Variants in CD96 observed in about 807,000 individuals in gnomAD.
CD96 encodes the protein CD96 molecule.
Under a neutral mutation model 71.3 loss-of-function variants are expected in CD96, and 70 were observed. The observed-to-expected ratio is 0.98, with a 90% CI of 0.81 to 1.20. CD96 has a LOEUF of 1.20. CD96 is among the 50% of genes most tolerant of loss of function. The pLI is 0.00. For missense variants in CD96, 742 were observed against 677.5 expected (o/e 1.10, Z -1.06); for synonymous variants, 248 against 233.0 (o/e 1.06, Z -0.59).
chr3:111,664,926 G>A (rs550753912), intron 14 of CD96, among the ~76,000 whole-genome samples: 2 of 152,284 alleles, frequency 1.3e-5, no homozygotes, highest in East Asian at 3.9e-4. Flanking sequence ...ATGTTGTTAT[G>A]TAAGAGATAT....
At chr3:111,577,567 G>A in intron 3 of CD96, 1 of 1,519,634 alleles carries the variant, frequency 6.6e-7, no homozygotes, top group South Asian at 1.1e-5. Flanking sequence ...AATTGCTGCA[G>A]GAAAAAGAAT....
intron 2 of CD96, among the ~76,000 whole-genome samples, chr3:111,563,638 G>T (rs1935563375): frequency 6.6e-6 from 1 of 151,898 alleles, no homozygotes; most frequent in Admixed American, 6.5e-5. Context: ...TGTTTTTACT[G>T]ACCTCCTCAT....
intron 8 of CD96, among the ~76,000 whole-genome samples, chr3:111,619,564 C>T (rs567017115): frequency 1.3e-5 from 2 of 152,308 alleles, no homozygotes; most frequent in African/African-American, 4.8e-5. Context: ...TACTTGCCTA[C>T]ATAGTATCTC....
chr3:111,561,577 C>T (rs1935410226), intron 2 of CD96, among the ~76,000 whole-genome samples: 1 of 146,524 alleles, frequency 6.8e-6, no homozygotes, highest in Admixed American at 7.0e-5. Context: ...CTCAGATCTC[C>T]AGCTGCGTGC....
chr3:111,625,504 G>A (rs998110265), intron 10 of CD96, among the ~76,000 whole-genome samples: 2 of 152,134 alleles, frequency 1.3e-5, no homozygotes, highest in Non-Finnish European at 2.9e-5. Flanking sequence ...ATCAAAGATG[G>A]TGTGGCAGAT....
intron 12 of CD96, among the ~76,000 whole-genome samples, chr3:111,638,829 G>C (rs1367639219): frequency 6.6e-6 from 1 of 152,174 alleles, no homozygotes; most frequent in Non-Finnish European, 1.5e-5. Context: ...TGGCAATAAA[G>C]CTGCAAACTG....
intron 6 of CD96, among the ~76,000 whole-genome samples, chr3:111,599,223 C>A (rs1937389342): frequency 6.6e-6 from 1 of 152,116 alleles, no homozygotes; most frequent in Non-Finnish European, 1.5e-5. Flanking sequence ...CCGCCTCAGC[C>A]TCCCAAAGTA....
chr3:111,553,083 T>TA (rs199530392), intron 2 of CD96, among the ~76,000 whole-genome samples: 2 of 150,540 alleles, frequency 1.3e-5, no homozygotes, highest in East Asian at 1.9e-4. Flanking sequence ...AAGATGTCAT[T>TA]AAAAAAAAGC....
intron 2 of CD96, among the ~76,000 whole-genome samples, chr3:111,555,457 G>A (rs1205288266): frequency 6.6e-6 from 1 of 152,278 alleles, no homozygotes; most frequent in Non-Finnish European, 1.5e-5. Context: ...TAATTTTAAA[G>A]GATAATTTCA....
At chr3:111,586,163 GTTATTA>G (rs540743374) in intron 5 of CD96, among the ~76,000 whole-genome samples, 1 of 151,948 alleles carries the variant, frequency 6.6e-6, no homozygotes, top group Non-Finnish European at 1.5e-5. Context: ...TCTTGTTTTT[GTTATTA>G]TTATTATCTG....
At position 111,649,842 on chromosome 3, in the gene CD96, G is replaced by C; in HGVS notation, c.*36G>C. 1 of 1,257,864 alleles carries C rather than the reference G, an allele frequency of 7.9e-7. No individual in the cohort carries two copies. The highest frequency in any genetic ancestry group is 1.2e-6 in the Non-Finnish European group (1 of 854,910). 77.9% of individuals were successfully genotyped at this position (1,257,864 alleles called of 1,614,324 possible). On this transcript the variant is annotated 3_prime_UTR_variant, in exon 14 of 14. Coordinates refer to ENST00000352690, the MANE Select transcript of CD96 (RefSeq NM_005816.5). ...CTTTGCCCCATGGCAGAACTCTGCTGGAATCCTATTGAGAAGGTAGACATT... is the reference window on the plus strand; with the variant it reads ...CTTTGCCCCATGGCAGAACTCTGCTCGAATCCTATTGAGAAGGTAGACATT...
chr3:111,562,812 C>G (rs938850651), intron 2 of CD96, among the ~76,000 whole-genome samples: 2 of 152,154 alleles, frequency 1.3e-5, no homozygotes, highest in African/African-American at 4.8e-5. Context: ...AGGGTATAAT[C>G]TGTGAAGTCT....
chr3:111,647,645 G>C lies in CD96; in HGVS notation c.1580G>C (p.Trp527Ser), dbSNP rs747580466. The change falls in exon 13 of 14, where the codon TGG becomes TCG. Residue 527 changes from tryptophan to serine, a missense_variant. By Grantham distance (177) the Trp-to-Ser change is radical (BLOSUM62 -3). Transcript: ENST00000352690. ...TTGTTTGGTCTTGGAGTGAGAAAAT[G>C]GTGTCAGTACCAAAAAGAAATGTGA... is the stretch of plus-strand genomic sequence containing the variant. ...MILFGLGVRK[W>S]CQYQKEIMER... 3.1e-6 allele frequency: 5 copies of C among 1,609,902 alleles called. No homozygotes were observed. Among genetic ancestry groups the C allele is most frequent in the Non-Finnish European group, 4.2e-6 (5 of 1,176,524 alleles).
chr3:111,649,087 A>AG (rs753728884), intron 13 of CD96, among the ~76,000 whole-genome samples: 1 of 152,204 alleles, frequency 6.6e-6, no homozygotes, highest in Non-Finnish European at 1.5e-5. Context: ...GTACATAGTG[A>AG]GTGTTTGGGC....
chr3:111,577,689 A>G (rs1936280509), intron 3 of CD96: 1 of 745,124 alleles, frequency 1.3e-6, no homozygotes, highest in Admixed American at 1.9e-5. Context: ...AAGAGTTTCT[A>G]CTAAGTATAT....
At chr3:111,627,877 G>T (rs888900273) in intron 10 of CD96, among the ~76,000 whole-genome samples, 1 of 152,170 alleles carries the variant, frequency 6.6e-6, no homozygotes, top group Non-Finnish European at 1.5e-5. Flanking sequence ...TGTGACTAGG[G>T]TCTGGGGTAG....
downstream of CD96, among the ~76,000 whole-genome samples, chr3:111,654,169 G>A (rs191056249): frequency 4.2e-4 from 64 of 152,236 alleles, 1 homozygote; most frequent in African/African-American, 1.3e-3. Context: ...TAGCCTAACC[G>A]ACTGTTTGAC....
chr3:111,619,380 T>G (rs562658696), intron 8 of CD96, among the ~76,000 whole-genome samples: 3 of 152,298 alleles, frequency 2.0e-5, no homozygotes, highest in African/African-American at 7.2e-5. Context: ...AACAAAACAT[T>G]TTGTGTGAAG....
chr3:111,603,394 G>A (rs769209851), intron 7 of CD96, among the ~76,000 whole-genome samples: 68 of 151,768 alleles, frequency 4.5e-4, no homozygotes, highest in Non-Finnish European at 8.4e-4. Flanking sequence ...CCAGTGAGCC[G>A]TGATCATGCC....
Sources: allele counts gnomAD v4.1 joint callset (sites outside exome capture counted in the v4.1 genomes callset), GRCh38; gene constraint gnomAD v4.1.1; transcripts MANE v1.5; gene names NCBI Gene and HGNC (gene_info 2026-07-23, HGNC 2026-07-21).